The following RASAL2 variants were observed in gnomAD, a reference collection of about 807,000 sequenced individuals.
The protein encoded by RASAL2 is RAS protein activator like 2.
Under a neutral mutation model 128.9 loss-of-function variants are expected in RASAL2, and 58 were observed. That is an observed-to-expected ratio of 0.45 (90% CI 0.36 to 0.56). The LOEUF (loss-of-function observed/expected upper bound fraction) is 0.56, where lower values mean the gene tolerates loss of function less well. Among genes scored for constraint, RASAL2 ranks in the 20% least tolerant of loss-of-function variants. The probability of loss-of-function intolerance (pLI) is 0.00; values close to 1 mark genes in which losing one functional copy is unlikely to be tolerated. For missense variants in RASAL2, 1,360 were observed against 1,601.6 expected, an observed-to-expected ratio of 0.85 and a Z score of 2.57; for synonymous variants, 561 against 580.8, an observed-to-expected ratio of 0.97 and a Z score of 0.49.
At chr1:178,223,186 A>G (rs1269539461) in intron 1 of RASAL2, among the ~76,000 whole-genome samples, 4 of 152,178 alleles carry the variant, frequency 2.6e-5, no homozygotes, top group African/African-American at 4.8e-5. Context: ...TTGAGACACT[A>G]TGGAGAATCA....
chr1:178,144,707 T>C (rs1394088383), intron 1 of RASAL2, among the ~76,000 whole-genome samples: 1 of 152,208 alleles, frequency 6.6e-6, no homozygotes, highest in Non-Finnish European at 1.5e-5. Context: ...TTGTGTAATA[T>C]GACTTTGGAA....
chr1:178,310,213 G>A (rs1668176331), intron 3 of RASAL2, among the ~76,000 whole-genome samples: 1 of 152,190 alleles, frequency 6.6e-6, no homozygotes, highest in Admixed American at 6.6e-5. Flanking sequence ...TGAAGGTTGT[G>A]CATAAGGAAA....
At chr1:178,257,771 G>A (rs1024248578) in intron 1 of RASAL2, among the ~76,000 whole-genome samples, 7 of 150,286 alleles carry the variant, frequency 4.7e-5, no homozygotes, top group Non-Finnish European at 1.5e-5. Flanking sequence ...GAGCCCGTGA[G>A]TTGAGGCTGC....
chr1:178,327,915 A>G (rs945023577), intron 3 of RASAL2, among the ~76,000 whole-genome samples: 3 of 152,154 alleles, frequency 2.0e-5, no homozygotes, highest in Admixed American at 6.5e-5. Context: ...GACAGAGACA[A>G]TGATTGGAGT....
chr1:178,177,871 A>G (rs1399472070), intron 1 of RASAL2, among the ~76,000 whole-genome samples: 1 of 152,218 alleles, frequency 6.6e-6, no homozygotes, highest in Non-Finnish European at 1.5e-5. Flanking sequence ...TAGTTTTTGT[A>G]ATTAATAATG....
chr1:178,431,946 T>G (rs1216850413), intron 5 of RASAL2, among the ~76,000 whole-genome samples: 1 of 149,776 alleles, frequency 6.7e-6, no homozygotes, highest in Non-Finnish European at 1.5e-5. Context: ...ATACTTTATA[T>G]AATTATATAC....
intron 1 of RASAL2, among the ~76,000 whole-genome samples, chr1:178,162,498 T>A (rs12043609): frequency 1.6e-5 from 2 of 125,442 alleles, no homozygotes; most frequent in Non-Finnish European, 3.2e-5. Context: ...ATATATATAT[T>A]TTATATTATA....
chr1:178,296,668 A>AT (rs1160539560), intron 2 of RASAL2, among the ~76,000 whole-genome samples: 10,832 of 113,708 alleles, frequency 0.095, 750 homozygotes, highest in Non-Finnish European at 0.14. Context: ...CCTGGCCTTG[A>AT]TTTTTTTTTT....
At chr1:178,452,976 G>A (rs1249584941) in intron 11 of RASAL2, among the ~76,000 whole-genome samples, 1 of 152,130 alleles carries the variant, frequency 6.6e-6, no homozygotes, top group Non-Finnish European at 1.5e-5. Context: ...AGAATAAAAA[G>A]TGGTATGTAT....
intron 5 of RASAL2, among the ~76,000 whole-genome samples, chr1:178,428,061 C>G (rs1675640074): frequency 1.3e-5 from 2 of 148,530 alleles, no homozygotes; most frequent in South Asian, 4.3e-4. Context: ...TTTTTTTACA[C>G]TAAACATATG....
chr1:178,270,036 C>G (rs2102168125), intron 1 of RASAL2, among the ~76,000 whole-genome samples: 1 of 152,226 alleles, frequency 6.6e-6, no homozygotes, highest in African/African-American at 2.4e-5. Flanking sequence ...GTTAGTTTGG[C>G]TAAGTGAATA....
intron 3 of RASAL2, among the ~76,000 whole-genome samples, chr1:178,321,012 A>T (rs186589869): frequency 6.6e-6 from 1 of 152,340 alleles, no homozygotes; most frequent in East Asian, 1.9e-4. Flanking sequence ...GAAAGTTTTG[A>T]CACGTTAGTG....
intron 1 of RASAL2, among the ~76,000 whole-genome samples, chr1:178,198,059 A>G (rs544414170): frequency 2.6e-5 from 4 of 152,304 alleles, no homozygotes; most frequent in African/African-American, 9.6e-5. Context: ...TTAGTATTCC[A>G]TGGTGTATAT....
Position 178,300,099 on chromosome 1 carries a change from A to C in RASAL2, c.438A>C (p.Pro146=). 1 of 1,613,318 alleles carries C rather than the reference A, an allele frequency of 6.2e-7. No homozygotes were observed. Among genetic ancestry groups the C allele is most frequent in the Non-Finnish European group, 8.5e-7 (1 of 1,179,738 alleles). ...PSEGQFPEYP[P]EGATKLEVPA... The stretch of plus-strand genomic sequence containing the variant: ...AGGGTCAGTTTCCCGAGTACCCACC[A>C]GAGGGCGCCACTAAACTGGGTAAGC... Residue 146 remains proline (P), a synonymous_variant, in exon 3 of 18, where the codon CCA becomes CCC. Coordinates refer to ENST00000367649, the MANE Select transcript of RASAL2 (RefSeq NM_170692.4).
chr1:178,462,839 A>C (rs967442244), intron 14 of RASAL2, among the ~76,000 whole-genome samples: 3 of 152,184 alleles, frequency 2.0e-5, no homozygotes, highest in Non-Finnish European at 2.9e-5. Flanking sequence ...ATGCACATCC[A>C]TCCTCAGGCA....
chr1:178,234,513 AC>A (rs1477864620), intron 1 of RASAL2, among the ~76,000 whole-genome samples: 1 of 152,184 alleles, frequency 6.6e-6, no homozygotes, highest in Non-Finnish European at 1.5e-5. Flanking sequence ...CTTATTTGGG[AC>A]TTTTTAAAAT....
intron 3 of RASAL2, among the ~76,000 whole-genome samples, chr1:178,352,177 G>C (rs1670548329): frequency 6.6e-6 from 1 of 152,162 alleles, no homozygotes; most frequent in Non-Finnish European, 1.5e-5. Context: ...ACTATATTTT[G>C]TAAGTGGAAA....
In RASAL2 at chr1:178,445,636, G is replaced by A; in HGVS notation, c.1601G>A (p.Gly534Glu). The change falls in exon 9 of 18, where the codon GGA becomes GAA. Residue 534 changes from glycine to glutamate, a missense_variant. Transcript: ENST00000367649. ...ATTGAGGAATACCTCAAGTTGGTGG[G>A]ACAACAGTATCTTCATGACGCACTG... The part of the protein sequence containing the change: ...KSIEEYLKLV[G>E]QQYLHDALGE... 2 of 1,613,280 alleles carry A rather than the reference G, an allele frequency of 1.2e-6. No homozygotes were observed. The highest frequency in any genetic ancestry group is 1.1e-5 in the South Asian group (1 of 90,916).
At chr1:178,453,434 G>A (rs1367114081) in intron 11 of RASAL2, among the ~76,000 whole-genome samples, 1 of 151,874 alleles carries the variant, frequency 6.6e-6, no homozygotes. Flanking sequence ...GAGAGGGTGT[G>A]AAAGCAAACT....
Sources: gnomAD v4.1 joint callset for allele counts (sites outside exome capture counted in the v4.1 genomes callset) on GRCh38, gnomAD v4.1.1 for gene constraint, MANE v1.5 for transcripts, NCBI Gene and HGNC (gene_info 2026-07-23, HGNC 2026-07-21) for gene names.